Variants in SAMSN1 observed in about 807,000 individuals in gnomAD.
The protein encoded by SAMSN1 is SAM domain, SH3 domain and nuclear localization signals 1.
In SAMSN1, 31 loss-of-function variants were observed where a neutral mutation model predicts 42.0. The observed-to-expected ratio is 0.74, with a 90% CI of 0.55 to 1.00. The LOEUF (loss-of-function observed/expected upper bound fraction) is 1.00. Among genes scored for constraint, SAMSN1 ranks in the 50% least tolerant of loss-of-function variants. SAMSN1 has a pLI of 0.00. For missense variants in SAMSN1, 464 were observed against 439.4 expected (o/e 1.06, Z -0.50); for synonymous variants, 178 against 151.9 (o/e 1.17, Z -1.26).
intron 1 of SAMSN1, among the ~76,000 whole-genome samples, chr21:14,652,271 C>T (rs145663338): frequency 1.3e-3 from 204 of 152,140 alleles, no homozygotes; most frequent in African/African-American, 4.5e-3. Flanking sequence ...GGAGAAATCA[C>T]ATTACCTGAC....
intron 7 of SAMSN1, among the ~76,000 whole-genome samples, chr21:14,491,447 A>G (rs867095643): frequency 6.6e-6 from 1 of 152,252 alleles, no homozygotes; most frequent in Middle Eastern, 3.4e-3. Context: ...TGACATTTCC[A>G]TGTGAAAGCT....
In SAMSN1 at chr21:14,556,238, T is replaced by A. The variant is rs138843503; in HGVS notation, c.261+25898A>T. 5.0e-3 allele frequency among the ~76,000 whole-genome samples: 764 copies of A among 152,290 alleles called. 10 individuals carry two copies. Among genetic ancestry groups the A allele is most frequent in the African/African-American group, 0.017 (723 of 41,550 alleles). On this transcript the variant is annotated intron_variant, in intron 2 of 8. Coordinates refer to the SAMSN1 transcript ENST00000285670. Reference sequence around the variant, plus strand: ...TGAAACTACATCAAAGTTGTAAAGCTATAGGAGAGGGTAAGTGTATTGTCT... The same window carrying A: ...TGAAACTACATCAAAGTTGTAAAGCAATAGGAGAGGGTAAGTGTATTGTCT...
chr21:14,510,346 C>T lies in SAMSN1; in HGVS notation c.525G>A (p.Thr175=), dbSNP rs753437595. 7.1e-5 allele frequency: 115 copies of T among 1,613,922 alleles called. No homozygotes were observed. The highest frequency in any genetic ancestry group is 8.2e-5 in the Non-Finnish European group (97 of 1,179,988). ...GGGAGTCAGTGTCATAGGGACTTGG[C>T]GTGAAATCCGTATGCACTCTGGCAC... ...CGRARVHTDF[T]PSPYDTDSLK... is the part of the protein sequence containing the mutation. Residue 175 remains threonine (T), a synonymous_variant, in exon 5 of 8, where the codon ACG becomes ACA. Transcript: ENST00000400566.
intron 7 of SAMSN1, 112 bp downstream of exon 7, chr21:14,498,330 A>C: frequency 1.2e-6 from 1 of 849,668 alleles, no homozygotes; most frequent in South Asian, 1.8e-5. Flanking sequence ...TTTTATGGGA[A>C]AGCGTGCTTT....
intron 5 of SAMSN1, among the ~76,000 whole-genome samples, chr21:14,609,124 G>A (rs981853024): frequency 2.0e-5 from 3 of 151,888 alleles, no homozygotes; most frequent in Non-Finnish European, 4.4e-5. Flanking sequence ...ACATATCAAT[G>A]TTATCTTTAG....
intron 1 of SAMSN1, among the ~76,000 whole-genome samples, chr21:14,537,667 G>A (rs1031486707): frequency 2.0e-5 from 3 of 151,966 alleles, no homozygotes; most frequent in Admixed American, 6.6e-5. Context: ...TTTTATATTA[G>A]GTAAATAAGA....
chr21:14,559,432 C>A (rs532724122), intron 2 of SAMSN1, among the ~76,000 whole-genome samples: 3 of 152,146 alleles, frequency 2.0e-5, no homozygotes, highest in African/African-American at 7.2e-5. Flanking sequence ...CCCTAATAAG[C>A]TTAAGAGTCT....
chr21:14,504,421 C>T (rs938027713), intron 5 of SAMSN1, among the ~76,000 whole-genome samples: 1 of 152,132 alleles, frequency 6.6e-6, no homozygotes, highest in Non-Finnish European at 1.5e-5. Flanking sequence ...ATCAAAACTT[C>T]AGGAAACAAT....
chr21:14,646,766 C>T (rs2123388274), intron 1 of SAMSN1, among the ~76,000 whole-genome samples: 1 of 152,244 alleles, frequency 6.6e-6, no homozygotes, highest in East Asian at 1.9e-4. Flanking sequence ...AGTTAAAAAG[C>T]AGGGAGACAA....
chr21:14,616,865 G>A (rs1982851217), intron 2 of SAMSN1, among the ~76,000 whole-genome samples: 1 of 152,170 alleles, frequency 6.6e-6, no homozygotes, highest in African/African-American at 2.4e-5. Context: ...GAAAAAGGAA[G>A]TTTGATTCTA....
At chr21:14,624,748 A>T (rs1393298284) in intron 2 of SAMSN1, among the ~76,000 whole-genome samples, 2 of 152,230 alleles carry the variant, frequency 1.3e-5, no homozygotes, top group Admixed American at 6.5e-5. Flanking sequence ...ATCAACAGAA[A>T]AAGAGGGAAT....
intron 1 of SAMSN1, among the ~76,000 whole-genome samples, chr21:14,653,787 C>A (rs865896136): frequency 6.6e-5 from 10 of 151,624 alleles, no homozygotes; most frequent in African/African-American, 2.2e-4. Context: ...CTACTATGTA[C>A]CTACAAAAAT....
chr21:14,563,840 G>A (rs1981022633), intron 2 of SAMSN1, among the ~76,000 whole-genome samples: 1 of 152,202 alleles, frequency 6.6e-6, no homozygotes, highest in South Asian at 2.1e-4. Flanking sequence ...CCCCGTGTCA[G>A]CAATTGACAT....
intron 2 of SAMSN1, among the ~76,000 whole-genome samples, chr21:14,562,953 T>C (rs866670969): frequency 1.3e-5 from 2 of 152,198 alleles, no homozygotes; most frequent in African/African-American, 2.4e-5. Context: ...TGTTCCTAAG[T>C]CTATGTACTC....
upstream of SAMSN1, among the ~76,000 whole-genome samples, chr21:14,586,285 G>GA (rs1160321355): frequency 9.0e-4 from 98 of 109,298 alleles, 1 homozygote; most frequent in African/African-American, 2.5e-3. Flanking sequence ...AAAAGAAAAA[G>GA]AAAAAAAAAG....
At chr21:14,574,292 A>T (rs913579160) in intron 2 of SAMSN1, among the ~76,000 whole-genome samples, 1 of 152,204 alleles carries the variant, frequency 6.6e-6, no homozygotes, top group Non-Finnish European at 1.5e-5. Flanking sequence ...GTTATACTTG[A>T]TTATCATGGA....
At chr21:14,551,236 A>G (rs1980585481), upstream of SAMSN1, among the ~76,000 whole-genome samples, 1 of 152,128 alleles carries the variant, frequency 6.6e-6, no homozygotes, top group South Asian at 2.1e-4. Flanking sequence ...TAAATTTCCA[A>G]AGAGATAATG....
At chr21:14,577,284 A>ATATATATATAT (rs1460040142) in intron 2 of SAMSN1, among the ~76,000 whole-genome samples, 4 of 53,852 alleles carry the variant, frequency 7.4e-5, no homozygotes, top group Non-Finnish European at 1.4e-4. Flanking sequence ...ATATATATAT[A>ATATATATATAT]TTTTTTTTTT....
At chr21:14,521,299 T>C (rs967097589) in intron 1 of SAMSN1, 78 bp from the exon 2 acceptor site, 9 of 939,248 alleles carry the variant, frequency 9.6e-6, no homozygotes, top group Non-Finnish European at 1.6e-6. Context: ...TATTAGATTA[T>C]AGTTTAATAA....
Sources: gnomAD v4.1 joint callset for allele counts (sites outside exome capture counted in the v4.1 genomes callset) on GRCh38, gnomAD v4.1.1 for gene constraint, MANE v1.5 for transcripts, NCBI Gene and HGNC (gene_info 2026-07-23, HGNC 2026-07-21) for gene names.